Variants in PGAM5 observed in about 807,000 individuals in gnomAD.
The protein encoded by PGAM5 is serine/threonine-protein phosphatase PGAM5, mitochondrial.
In PGAM5, 25 loss-of-function variants were observed where a neutral mutation model predicts 30.6. The observed-to-expected ratio is 0.82, with a 90% CI of 0.60 to 1.14. The LOEUF (loss-of-function observed/expected upper bound fraction) is 1.14. Ranked by LOEUF, PGAM5 falls within the 50% of genes most tolerant of loss-of-function variation. The pLI, the probability that PGAM5 is intolerant of heterozygous loss-of-function variation, is 0.00. For synonymous variants in PGAM5, 201 were observed against 179.1 expected, an observed-to-expected ratio of 1.12 and a Z score of -0.98; for missense variants, 384 against 408.5, an observed-to-expected ratio of 0.94 and a Z score of 0.52.
intron 1 of PGAM5, 184 bp downstream of exon 1, chr12:132,711,251 T>G: frequency 2.5e-6 from 1 of 394,140 alleles, no homozygotes; most frequent in Non-Finnish European, 4.0e-6. Flanking sequence ...CGGGGGCGGC[T>G]GACCCTTCCC....
At chr12:132,718,156 A>G (rs1209632913) in intron 5 of PGAM5, 36 bp downstream of exon 5, 1 of 1,609,878 alleles carries the variant, frequency 6.2e-7, no homozygotes, top group Non-Finnish European at 8.5e-7. Flanking sequence ...GTCTAAAATA[A>G]TTTCAGACTT....
intron 1 of PGAM5, among the ~76,000 whole-genome samples, chr12:132,713,880 G>A (rs2043546909): frequency 6.6e-6 from 1 of 151,978 alleles, no homozygotes; most frequent in Non-Finnish European, 1.5e-5. Context: ...TGTTGCCCAG[G>A]CTAGTCTTGG....
chr12:132,717,243 G>A (rs2043586925), intron 2 of PGAM5, among the ~76,000 whole-genome samples, 196 bp from the exon 3 acceptor site: 1 of 151,904 alleles, frequency 6.6e-6, no homozygotes, highest in African/African-American at 2.4e-5. Context: ...CCTCGGGCGG[G>A]CAGGAGCCAT....
chr12:132,713,404 C>A (rs1320030167), intron 1 of PGAM5, among the ~76,000 whole-genome samples: 2 of 152,140 alleles, frequency 1.3e-5, no homozygotes, highest in African/African-American at 4.8e-5. Context: ...GTGAAATCTC[C>A]AGCTTCTTCC....
At chr12:132,719,393 G>C (rs1486684261) in intron 5 of PGAM5, among the ~76,000 whole-genome samples, 1 of 152,216 alleles carries the variant, frequency 6.6e-6, no homozygotes, top group Non-Finnish European at 1.5e-5. Flanking sequence ...AGAAAGTCGA[G>C]GATGTACGGG....
At chr12:132,711,432 G>A (rs576959161) in intron 1 of PGAM5, 259 of 165,806 alleles carry the variant, frequency 1.6e-3, no homozygotes, top group African/African-American at 5.9e-3. Context: ...CGGTTATTGA[G>A]CGTTTGAAAT....
intron 1 of PGAM5, chr12:132,711,756 C>T (rs1005452141): frequency 1.1e-4 from 17 of 151,480 alleles, no homozygotes; most frequent in African/African-American, 4.1e-4. Flanking sequence ...CGCCACTTCA[C>T]TCCAGCCTGA....
In PGAM5 at chr12:132,717,484, G is replaced by A. The variant is rs771541039; in HGVS notation, c.416G>A (p.Gly139Glu). ...ELTGLRLASL[G>E]LKFNKIVHSS... ...ACTGGGCTCCGCCTGGCAAGCTTGGGGTTGAAGTTTAATAAAATCGTCCAT... is the reference window on the plus strand; with the variant it reads ...ACTGGGCTCCGCCTGGCAAGCTTGGAGTTGAAGTTTAATAAAATCGTCCAT... Residue 139 changes from glycine to glutamate, a missense_variant, in exon 3 of 6, where the codon GGG (glycine) becomes GAG (glutamate). By Grantham distance (98) the Gly-to-Glu change is moderately conservative. Transcript: ENST00000498926. 13 of 1,610,400 alleles carry A rather than the reference G, an allele frequency of 8.1e-6. No individual in the cohort carries two copies. In the African/African-American group the frequency reaches 1.5e-4, roughly 18 times the overall value.
rs548527155 is a variant in PGAM5 at position 132,720,946 on chromosome 12, T to C, written c.*118T>C. The C allele has an allele frequency of 3.5e-5, 45 of 1,275,090 alleles. No homozygotes were observed. In the East Asian group the frequency reaches 1.1e-3, roughly 31 times the overall value. 79.0% of individuals were successfully genotyped at this position (1,275,090 alleles called of 1,614,324 possible). On this transcript the variant is annotated 3_prime_UTR_variant, in exon 6 of 6. Coordinates refer to ENST00000498926, the MANE Select transcript of PGAM5 (RefSeq NM_001170543.2). ...TGCAATGCTGCATCTGGGAACTGAC[T>C]TGTGACCAGGCTGAGAAGGGGAGAG... is the stretch of plus-strand genomic sequence containing the variant.
chr12:132,717,907 G>C (rs140183328), intron 4 of PGAM5, 80 bp from the exon 5 acceptor site: 1 of 1,599,380 alleles, frequency 6.3e-7, no homozygotes, highest in Non-Finnish European at 8.5e-7. Context: ...GGGCTTCCCC[G>C]GGCGGCGATG....
intron 1 of PGAM5, among the ~76,000 whole-genome samples, chr12:132,713,931 AGT>A (rs920324252): frequency 7.9e-5 from 12 of 152,002 alleles, no homozygotes; most frequent in African/African-American, 2.9e-4. Context: ...GGCCTCCCAA[AGT>A]GCTGGGATCC....
At chr12:132,717,902 T>A in intron 4 of PGAM5, 85 bp from the exon 5 acceptor site, 1 of 1,599,740 alleles carries the variant, frequency 6.3e-7, no homozygotes, top group Non-Finnish European at 8.5e-7. Context: ...CCCACGGGCT[T>A]CCCCGGGCGG....
In PGAM5 at chr12:132,720,918, A is replaced by G. The variant is rs1453069401; in HGVS notation, c.*90A>G. ...CCAAGGAGACCGGCGGAAAGTAGAA[A>G]CCTGCAATGCTGCATCTGGGAACTG... On this transcript the variant is annotated 3_prime_UTR_variant, in exon 6 of 6. Coordinates refer to ENST00000498926, the MANE Select transcript of PGAM5 (RefSeq NM_001170543.2). The G allele has an allele frequency of 5.0e-6, 7 of 1,412,018 alleles. No individual in the cohort carries two copies. In the East Asian group the frequency reaches 1.3e-4, roughly 26 times the overall value. The allele number at this position is 1,412,018 out of a possible 1,614,324, so 87.5% of individuals were successfully genotyped here.
chr12:132,711,907 G>A (rs190549281), intron 1 of PGAM5, among the ~76,000 whole-genome samples: 68 of 152,234 alleles, frequency 4.5e-4, no homozygotes, highest in Non-Finnish European at 7.6e-4. Flanking sequence ...GTTGCTATTA[G>A]AAAATGTATA....
intron 2 of PGAM5, among the ~76,000 whole-genome samples, chr12:132,717,231 A>C (rs895225843): frequency 6.6e-6 from 1 of 151,156 alleles, no homozygotes; most frequent in African/African-American, 2.5e-5. Context: ...CTCTGGCCCA[A>C]GCCTCGGGCG....
rs979287479 is a variant in PGAM5 at position 132,710,851 on chromosome 12, C to G, written c.-26C>G. The G allele has an allele frequency of 9.0e-7, 1 of 1,108,404 alleles. No homozygotes were observed. The highest frequency in any genetic ancestry group is 1.1e-6 in the Non-Finnish European group (1 of 909,988). The allele number at this position is 1,108,404 out of a possible 1,614,324, so 68.7% of individuals were successfully genotyped here. The stretch of plus-strand genomic sequence containing the variant: ...GCGCCGTCGGGGCCGTGGGCGCCTG[C>G]GCGGGCCGGCGCGGGAGCAAGCGGC... On this transcript the variant is annotated 5_prime_UTR_variant, in exon 1 of 6. Transcript: ENST00000498926.
chr12:132,720,626 ACAGAGCCCCCTGGCTCTAAC>A, intron 5 of PGAM5, 32 bp from the exon 6 acceptor site: 10 of 1,505,442 alleles, frequency 6.6e-6, no homozygotes, highest in Non-Finnish European at 8.9e-6. Context: ...CGTTTTAAGG[ACAGAGCCCCCTGGCTCTAAC>A]GTGCTCTTTC....
At chr12:132,719,736 C>T (rs113342894) in intron 5 of PGAM5, among the ~76,000 whole-genome samples, 1 of 152,358 alleles carries the variant, frequency 6.6e-6, no homozygotes, top group African/African-American at 2.4e-5. Flanking sequence ...CCGGCCGGTG[C>T]CGCCAGGCAG....
chr12:132,718,725 CA>C (rs373612853), intron 5 of PGAM5: 1 of 1,610,666 alleles, frequency 6.2e-7, no homozygotes, highest in South Asian at 1.1e-5. Flanking sequence ...CAAACTCGAC[CA>C]ACCACCTTCT....
Sources: gnomAD v4.1 joint callset for allele counts (sites outside exome capture counted in the v4.1 genomes callset) on GRCh38, gnomAD v4.1.1 for gene constraint, MANE v1.5 for transcripts, NCBI Gene and HGNC (gene_info 2026-07-23, HGNC 2026-07-21) for gene names.